The following RYR1 variants were observed in gnomAD, a reference collection of about 807,000 sequenced individuals.
RYR1 encodes central core disease of muscle.
In RYR1, 342 loss-of-function variants were observed where a neutral mutation model predicts 583.5. The observed-to-expected ratio is 0.59, with a 90% CI of 0.54 to 0.64. The LOEUF is 0.64. Ranked by LOEUF, RYR1 falls within the 30% of genes least tolerant of loss-of-function variation. RYR1 has a pLI of 0.00. For missense variants in RYR1, 6,032 were observed against 6,917.2 expected (o/e 0.87, Z 4.54); for synonymous variants, 2,791 against 2,822.5 (o/e 0.99, Z 0.35).
intron 20 of RYR1, among the ~76,000 whole-genome samples, chr19:38,461,139 G>T (rs1967716378): frequency 6.9e-6 from 1 of 145,368 alleles, no homozygotes; most frequent in South Asian, 2.2e-4. Context: ...GGGCAACAGA[G>T]TGAGACTTCA....
chr19:38,549,889 G>GTGTGTA (rs1193285548), intron 89 of RYR1, among the ~76,000 whole-genome samples: 1 of 126,694 alleles, frequency 7.9e-6, no homozygotes. Context: ...GTGTGTGTGT[G>GTGTGTA]TGTGTGTGTG....
In RYR1 at chr19:38,443,552, C is replaced by G. The variant is rs1162128403; in HGVS notation, c.271-6C>G. ...TGCTTATTCTGTTCCCTCCCTCCCC[C>G]TGCAGTCATCCCAGGGCGGGGGACA... On this transcript the variant is annotated splice_region_variant and splice_polypyrimidine_tract_variant and intron_variant, in intron 3 of 105. Transcript: ENST00000359596. The G allele has an allele frequency of 5.0e-6, 8 of 1,613,548 alleles. No individual in the cohort carries two copies. The highest frequency in any genetic ancestry group is 6.8e-6 in the Non-Finnish European group (8 of 1,179,764).
chr19:38,585,394 T>TTA (rs200089543), intron 102 of RYR1, among the ~76,000 whole-genome samples: 51 of 145,444 alleles, frequency 3.5e-4, no homozygotes, highest in African/African-American at 4.4e-4. Context: ...ATATGTTTAT[T>TTA]TATATATATA....
rs56219260 is a variant in RYR1 at position 38,452,541 on chromosome 19, C to T, written c.1245-278C>T. ...CCATGATCACATTCCTGATCATCAC[C>T]CAACTTTCACACCCCTGACACCCAG... On this transcript the variant is annotated intron_variant, in intron 12 of 105. Transcript: ENST00000359596. Among the ~76,000 whole-genome samples, 953 of 152,232 alleles carry T rather than the reference C, an allele frequency of 6.3e-3. 8 individuals are homozygous for T. Among genetic ancestry groups the T allele is most frequent in the African/African-American group, 0.022 (912 of 41,528 alleles).
At chr19:38,552,272 A>T (rs1318484338) in intron 89 of RYR1, among the ~76,000 whole-genome samples, 3 of 140,582 alleles carry the variant, frequency 2.1e-5, no homozygotes, top group Non-Finnish European at 4.6e-5. Context: ...TTTTTTTTTG[A>T]GATGGAGGAG....
rs1329742612 is a variant in RYR1 at position 38,565,128 on chromosome 19, C to A, written c.12794C>A (p.Ala4265Glu). 2.0e-6 allele frequency: 3 copies of A among 1,531,372 alleles called. No homozygotes were observed. The East Asian group carries it at 7.4e-5, about 38-fold the overall frequency. 94.9% of individuals were successfully genotyped at this position (1,531,372 alleles called of 1,614,324 possible). A position where few individuals can be genotyped will look rare whatever the true frequency, so the allele number is the denominator to read the frequency against. Residue 4265 changes from alanine (A) to glutamate (E), a missense_variant, in exon 91 of 106, where the codon GCG becomes GAG. This residue lies in a region of RYR1 where 753 missense variants were observed against 759.6 expected (regional missense o/e 0.99). Coordinates refer to ENST00000359596, the MANE Select transcript of RYR1 (RefSeq NM_000540.3). This position sits in a 1 kb window ranked among gnomAD's most constrained non-coding sequence, Gnocchi z 4.7. ...CCGGAGACCGACGAGGACGAGGGCG[C>A]GGGCGCGGCGGAGGCGGGCGCGGAA... The part of the protein sequence containing the change: ...GEPETDEDEG[A>E]GAAEAGAEGA...
Position 38,496,311 on chromosome 19 carries a change from C to CG in RYR1, c.6650dup (p.Gly2218ArgfsTer35). ...TCATGGAGGTCATGGTCAACGTCCT[C>CG]GGGGGCGGCGAGTCCAAGGTGAGGG... On this transcript the variant is annotated frameshift_variant, in exon 40 of 106. Transcript: ENST00000359596. LOFTEE classifies it high-confidence loss of function. The surrounding 1 kb of genome is among the most constrained non-coding windows in gnomAD (Gnocchi z 4.8). 6.2e-7 allele frequency: 1 copy of CG among 1,614,008 alleles called. No homozygotes were observed. The highest frequency in any genetic ancestry group is 2.2e-5 in the East Asian group (1 of 44,888).
chr19:38,438,338 G>A lies in RYR1; in HGVS notation c.46-2407G>A, dbSNP rs562436153. On this transcript the variant is annotated intron_variant, in intron 1 of 105. Transcript: ENST00000359596. ...ATTAACATTACATATTAATTCACCT[G>A]TTTATTCCCTGTCTCCACCATGAGG... Among the ~76,000 whole-genome samples, 216 of 150,502 alleles carry A rather than the reference G, an allele frequency of 1.4e-3. 4 individuals carry two copies. Among genetic ancestry groups the A allele is most frequent in the African/African-American group, 5.0e-3 (205 of 41,018 alleles).
intron 1 of RYR1, among the ~76,000 whole-genome samples, chr19:38,434,377 G>A (rs1972332739): frequency 6.6e-6 from 1 of 152,090 alleles, no homozygotes; most frequent in South Asian, 2.1e-4. Flanking sequence ...GATCTCTTGG[G>A]TTCTGGGTCT....
At chr19:38,523,961 C>T (rs1303528237) in intron 70 of RYR1, 32 bp downstream of exon 70, 1 of 1,613,306 alleles carries the variant, frequency 6.2e-7, no homozygotes, top group Non-Finnish European at 8.5e-7. Flanking sequence ...TTCCGCATGT[C>T]TCTTGGCTAA....
At chr19:38,538,304 G>T (rs1341190071) in intron 84 of RYR1, among the ~76,000 whole-genome samples, 1 of 152,186 alleles carries the variant, frequency 6.6e-6, no homozygotes, top group African/African-American at 2.4e-5. Flanking sequence ...GGAGGCTGAG[G>T]CAGGAGAATC....
intron 12 of RYR1, 131 bp downstream of exon 12, chr19:38,452,016 C>T: frequency 7.9e-7 from 1 of 1,271,140 alleles, no homozygotes; most frequent in Non-Finnish European, 1.1e-6. Flanking sequence ...GGGCCAAGCG[C>T]AGTGGCTCAC....
intron 38 of RYR1, among the ~76,000 whole-genome samples, chr19:38,493,884 A>T (rs548741296): frequency 1.2e-4 from 19 of 152,260 alleles, no homozygotes; most frequent in Non-Finnish European, 2.1e-4. Context: ...TGCATGGCGA[A>T]GTGCTTCTGG....
chr19:38,583,523 AGAC>A (rs1197177122), intron 101 of RYR1, among the ~76,000 whole-genome samples: 1 of 150,394 alleles, frequency 6.6e-6, no homozygotes, highest in Non-Finnish European at 1.5e-5. Context: ...AATGCCAGGT[AGAC>A]CATGCTCCCT....
intron 3 of RYR1, among the ~76,000 whole-genome samples, chr19:38,442,682 G>A (rs1972751044): frequency 6.6e-6 from 1 of 152,098 alleles, no homozygotes; most frequent in African/African-American, 2.4e-5. Flanking sequence ...AGGCAGGCCC[G>A]TCTCTCAGGC....
At chr19:38,551,916 C>G (rs538163638) in intron 89 of RYR1, among the ~76,000 whole-genome samples, 4 of 152,080 alleles carry the variant, frequency 2.6e-5, no homozygotes, top group Non-Finnish European at 4.4e-5. Flanking sequence ...TCATTTAGTC[C>G]TTACAGCAAC....
chr19:38,482,801 G>A (rs1305896945), intron 31 of RYR1, among the ~76,000 whole-genome samples: 1 of 152,090 alleles, frequency 6.6e-6, no homozygotes. Flanking sequence ...TTCCCAGTGC[G>A]GGGTGTGATG....
intron 88 of RYR1, 58 bp from the exon 89 acceptor site, chr19:38,548,175 C>CT: frequency 6.2e-7 from 1 of 1,602,342 alleles, no homozygotes. Context: ...AGAGGCAAGC[C>CT]TGGTGGGGCC....
At chr19:38,508,396 T>C (rs1238911768) in intron 58 of RYR1, among the ~76,000 whole-genome samples, 1 of 152,084 alleles carries the variant, frequency 6.6e-6, no homozygotes, top group Non-Finnish European at 1.5e-5. Context: ...TATTTTTTAG[T>C]AGAGACGGGG....
Sources: gnomAD v4.1 joint callset for allele counts (sites outside exome capture counted in the v4.1 genomes callset) on GRCh38, gnomAD v4.1.1 for gene constraint, gnomAD v4.1.1 regional missense constraint, Gnocchi (gnomAD v3.1) non-coding constraint, MANE v1.5 for transcripts, NCBI Gene and HGNC (gene_info 2026-07-23, HGNC 2026-07-21) for gene names.